The following RAD18 variants were observed in gnomAD, a reference collection of about 807,000 sequenced individuals.
The protein encoded by RAD18 is RAD18 E3 ubiquitin protein ligase.
RAD18 carries 47 observed loss-of-function variants against 60.4 expected under a neutral mutation model. The ratio of observed to expected loss-of-function variants is 0.78; its 90% CI spans 0.62 to 0.99. RAD18 has a LOEUF of 0.99. Ranked by LOEUF, RAD18 falls within the 50% of genes least tolerant of loss-of-function variation. The probability of loss-of-function intolerance (pLI) is 0.00; values close to 1 mark genes in which losing one functional copy is unlikely to be tolerated. For synonymous variants in RAD18, 225 were observed against 195.5 expected (o/e 1.15, Z -1.26); for missense variants, 640 against 593.3 (o/e 1.08, Z -0.82).
At position 8,881,429 on chromosome 3, in the gene RAD18, T is replaced by C; in HGVS notation, c.1416A>G (p.Pro472=). 1 of 1,612,234 alleles carries C rather than the reference T, an allele frequency of 6.2e-7. No homozygotes were observed. Among genetic ancestry groups the C allele is most frequent in the Non-Finnish European group, 8.5e-7 (1 of 1,178,308 alleles). Residue 472 remains proline (P), a synonymous_variant, in exon 13 of 13, where the codon CCA becomes CCG. Coordinates refer to ENST00000264926, the MANE Select transcript of RAD18 (RefSeq NM_020165.4). ...KNDLQDTEIS[P]RQNRRTRAAE... ...CGGCTCTTGTGCGGCGATTCTGTCT[T>C]GGACTTATTTCTGTGTCTTGAAGAT...
intron 6 of RAD18, among the ~76,000 whole-genome samples, chr3:8,938,312 G>T (rs767497049): frequency 3.9e-5 from 6 of 152,140 alleles, no homozygotes; most frequent in Non-Finnish European, 7.4e-5. Context: ...TTTGTAAGTT[G>T]TAACAGTATG....
At position 8,946,928 on chromosome 3, in the gene RAD18, T is replaced by G. The variant is rs45559731; in HGVS notation, c.266+292A>C. ...GGAGCTCCTTGGAGAAATGGCTGAT[T>G]CTAGGGCTTGGGCAGGAAAAGGAGT... On this transcript the variant is annotated intron_variant, in intron 4 of 12. Coordinates refer to ENST00000264926, the MANE Select transcript of RAD18 (RefSeq NM_020165.4). 2.7e-3 allele frequency: 697 copies of G among 256,446 alleles called. 23 individuals are homozygous for G. The East Asian group carries it at 0.052, about 19-fold the overall frequency. The allele number at this position is 256,446 out of a possible 1,614,324, so 15.9% of individuals were successfully genotyped here.
chr3:8,912,147 C>A (rs1337841455), intron 9 of RAD18, among the ~76,000 whole-genome samples, 165 bp downstream of exon 9: 1 of 151,888 alleles, frequency 6.6e-6, no homozygotes, highest in Non-Finnish European at 1.5e-5. Flanking sequence ...ATATAAAATA[C>A]AAAAAAAGTC....
intron 7 of RAD18, among the ~76,000 whole-genome samples, 173 bp from the exon 8 acceptor site, chr3:8,913,893 T>TA (rs1431974107): frequency 6.6e-6 from 1 of 152,126 alleles, no homozygotes; most frequent in Admixed American, 6.5e-5. Flanking sequence ...AACAAAAGGT[T>TA]AAAAAAATAA....
Position 8,963,388 on chromosome 3 carries a change from T to C in RAD18, c.-3A>G. ...CGAGACTCGGCCAGGGAGTCCATGGTCGCTCCCGAGGATGCTGGGGGTCAG... is the reference window on the plus strand; with the variant it reads ...CGAGACTCGGCCAGGGAGTCCATGGCCGCTCCCGAGGATGCTGGGGGTCAG... On this transcript the variant is annotated 5_prime_UTR_variant, in exon 1 of 13. Transcript: ENST00000264926. 6.2e-7 allele frequency: 1 copy of C among 1,601,402 alleles called. No individual in the cohort carries two copies. Among genetic ancestry groups the C allele is most frequent in the East Asian group, 2.3e-5 (1 of 43,362 alleles).
At position 8,881,596 on chromosome 3, in the gene RAD18, T is replaced by A. The variant is rs547433239; in HGVS notation, c.1386-137A>T. 16 of 650,470 alleles carry A rather than the reference T, an allele frequency of 2.5e-5. 1 individual carries two copies. The highest frequency in any genetic ancestry group is 1.1e-4 in the African/African-American group (6 of 53,926). 40.3% of individuals were successfully genotyped at this position (650,470 alleles called of 1,614,324 possible). ...CTCTATTCTGTTGATGAATTCATAA[T>A]TGTTATTATTAGTATTTCCACTTTA... is the stretch of plus-strand genomic sequence containing the variant. On this transcript the variant is annotated intron_variant, in intron 12 of 12. Coordinates refer to ENST00000264926, the MANE Select transcript of RAD18 (RefSeq NM_020165.4).
chr3:8,923,077 G>A (rs778106320), intron 7 of RAD18, among the ~76,000 whole-genome samples: 4 of 152,202 alleles, frequency 2.6e-5, no homozygotes, highest in African/African-American at 9.7e-5. Flanking sequence ...TGACTTCGAC[G>A]AGTTGAGAGA....
chr3:8,885,400 T>C (rs1450688599), intron 12 of RAD18, among the ~76,000 whole-genome samples: 4 of 152,188 alleles, frequency 2.6e-5, no homozygotes. Context: ...AGACTATTAA[T>C]AGAGAAAATG....
At chr3:8,893,529 G>A (rs1939728081) in intron 11 of RAD18, among the ~76,000 whole-genome samples, 2 of 151,980 alleles carry the variant, frequency 1.3e-5, no homozygotes, top group South Asian at 4.2e-4. Context: ...ACAAACAATA[G>A]CTTATATGCC....
Position 8,911,580 on chromosome 3 carries a change from T to G in RAD18, c.1027+732A>C, listed in dbSNP as rs374567332. On this transcript the variant is annotated intron_variant, in intron 9 of 12. Coordinates refer to ENST00000264926, the MANE Select transcript of RAD18 (RefSeq NM_020165.4). ...TCCTACTCTAGCAAGGCACAGGCAA[T>G]CACACCTACATCCAGCGCAGGTGTG... Among the ~76,000 whole-genome samples, 28 of 91,474 alleles carry G rather than the reference T, an allele frequency of 3.1e-4. No homozygotes were observed. The East Asian group carries it at 3.1e-3, about 10-fold the overall frequency. The allele number at this position is 91,474 out of a possible 152,430, so 60.0% of individuals were successfully genotyped here. A position where few individuals can be genotyped will look rare whatever the true frequency, so the allele number is the denominator to read the frequency against.
intron 7 of RAD18, 152 bp downstream of exon 7, chr3:8,935,719 T>C: frequency 2.9e-6 from 2 of 686,334 alleles, no homozygotes; most frequent in Non-Finnish European, 4.4e-6. Flanking sequence ...TATCATAGCA[T>C]ACTCTAGGTA....
chr3:8,931,872 T>C (rs1347570988), intron 7 of RAD18, among the ~76,000 whole-genome samples: 3 of 152,206 alleles, frequency 2.0e-5, no homozygotes, highest in Non-Finnish European at 4.4e-5. Context: ...GATTTGACAA[T>C]GAGGGCAAAG....
At chr3:8,936,216 A>C (rs189158260) in intron 6 of RAD18, among the ~76,000 whole-genome samples, 161 bp from the exon 7 acceptor site, 4 of 152,360 alleles carry the variant, frequency 2.6e-5, no homozygotes, top group Non-Finnish European at 5.9e-5. Flanking sequence ...GATAAAGTTG[A>C]GTGTCTGACA....
chr3:8,939,703 CA>C lies in RAD18; in HGVS notation c.605-51del, dbSNP rs1308874393. The C allele has an allele frequency of 2.7e-6, 4 of 1,457,968 alleles. No homozygotes were observed. In the Admixed American group the frequency reaches 5.7e-5, roughly 21 times the overall value. 90.3% of individuals were successfully genotyped at this position (1,457,968 alleles called of 1,614,324 possible). A position where few individuals can be genotyped will look rare whatever the true frequency, so the allele number is the denominator to read the frequency against. On this transcript the variant is annotated intron_variant, in intron 5 of 12. Coordinates refer to ENST00000264926, the MANE Select transcript of RAD18 (RefSeq NM_020165.4). ...GAGACTTTATTAATTGTAGAAGGGG[CA>C]AAAGTATGTAAACTGGCATCTTTTC...
chr3:8,921,027 C>T (rs1316465576), intron 7 of RAD18, among the ~76,000 whole-genome samples: 1 of 152,086 alleles, frequency 6.6e-6, no homozygotes, highest in Non-Finnish European at 1.5e-5. Flanking sequence ...AGAAATAATA[C>T]AAGGACATAT....
At chr3:8,924,092 C>T (rs998970611) in intron 7 of RAD18, among the ~76,000 whole-genome samples, 11 of 152,128 alleles carry the variant, frequency 7.2e-5, no homozygotes, top group African/African-American at 2.7e-4. Flanking sequence ...GGGCTAAATG[C>T]TCCAATTAAA....
intron 7 of RAD18, among the ~76,000 whole-genome samples, chr3:8,926,641 C>A (rs1940442172): frequency 6.6e-6 from 1 of 152,202 alleles, no homozygotes; most frequent in African/African-American, 2.4e-5. Flanking sequence ...AGGCATCATG[C>A]TACTTGACTT....
intron 8 of RAD18, chr3:8,912,609 T>C (rs913127730): frequency 3.5e-6 from 1 of 282,412 alleles, no homozygotes; most frequent in Admixed American, 5.2e-5. Flanking sequence ...GATTCAATTA[T>C]ATATTAACAA....
chr3:8,894,397 C>T (rs60420535), intron 11 of RAD18, among the ~76,000 whole-genome samples: 6,031 of 152,266 alleles, frequency 0.04, 405 homozygotes, highest in African/African-American at 0.14. Flanking sequence ...GTTCTATTTA[C>T]AAAGCATTCA....
Sources: allele counts gnomAD v4.1 joint callset (sites outside exome capture counted in the v4.1 genomes callset), GRCh38; gene constraint gnomAD v4.1.1; transcripts MANE v1.5; gene names NCBI Gene and HGNC (gene_info 2026-07-23, HGNC 2026-07-21).